Variants in EXOC3 observed in about 807,000 individuals in gnomAD.
The protein encoded by EXOC3 is SEC6-like 1.
EXOC3 carries 21 observed loss-of-function variants against 73.7 expected under a neutral mutation model. The observed-to-expected ratio is 0.29, with a 90% CI of 0.20 to 0.41. EXOC3 has a LOEUF of 0.41. EXOC3 is among the 10% of genes least tolerant of loss of function. The probability of loss-of-function intolerance (pLI) is 1.00; values close to 1 mark genes in which losing one functional copy is unlikely to be tolerated. For synonymous variants in EXOC3, 410 were observed against 389.1 expected (o/e 1.05, Z -0.63); for missense variants, 842 against 985.1 (o/e 0.85, Z 1.95).
Position 466,927 on chromosome 5 carries a change from C to T in EXOC3, c.*29C>T, listed in dbSNP as rs763378969. The T allele has an allele frequency of 2.6e-6, 4 of 1,565,812 alleles. No homozygotes were observed. Among genetic ancestry groups the T allele is most frequent in the Non-Finnish European group, 1.7e-6 (2 of 1,154,674 alleles). ...CCGCCGGCCTGCCCTGCTCGCCCCTCCACAGCCTCGGTCCCTGCCTTTAGA... is the reference window on the plus strand; with the variant it reads ...CCGCCGGCCTGCCCTGCTCGCCCCTTCACAGCCTCGGTCCCTGCCTTTAGA... On this transcript the variant is annotated 3_prime_UTR_variant, in exon 13 of 13. Coordinates refer to ENST00000512944, the MANE Select transcript of EXOC3 (RefSeq NM_007277.5).
At position 462,400 on chromosome 5, in the gene EXOC3, C is replaced by T. The variant is rs979671757; in HGVS notation, c.1653+93C>T. The stretch of plus-strand genomic sequence containing the variant: ...GACACAGGCTGTGAACTGTACCGTG[C>T]GGATGCCGTCTGGGGAGCCGGGCTG... On this transcript the variant is annotated intron_variant, in intron 9 of 12. Transcript: ENST00000512944. 1.1e-5 allele frequency: 16 copies of T among 1,422,340 alleles called. No individual in the cohort carries two copies. The African/African-American group carries it at 1.7e-4, about 15-fold the overall frequency. The allele number at this position is 1,422,340 out of a possible 1,614,324, so 88.1% of individuals were successfully genotyped here.
At position 446,318 on chromosome 5, in the gene EXOC3, G is replaced by A. The variant is rs762076288; in HGVS notation, c.113G>A (p.Arg38Gln). 2.5e-6 allele frequency: 4 copies of A among 1,612,584 alleles called. No homozygotes were observed. The highest frequency in any genetic ancestry group is 1.7e-5 in the Admixed American group (1 of 59,890). Residue 38 changes from arginine to glutamine, a missense_variant, in exon 2 of 13, where the codon CGG (arginine) becomes CAG (glutamine). Physicochemically the swap from Arg to Gln is conservative, Grantham distance 43 (BLOSUM62 1). Transcript: ENST00000512944. ...GAGCAGTATCGCAGGAGAGAAGCGC[G>A]GAAGAAGGCCTCCGTGGAGGCCAGA... ...KVEQYRRREA[R>Q]KKASVEARLK...
chr5:461,136 T>A (rs1054155792), intron 7 of EXOC3, among the ~76,000 whole-genome samples: 4 of 150,836 alleles, frequency 2.7e-5, no homozygotes, highest in Non-Finnish European at 5.9e-5. Flanking sequence ...CCTAACACTA[T>A]GAGTTTCTAG....
rs572868372 is a variant in EXOC3, at chr5:457,849, A to G, written c.1165-51A>G. ...TGACCAGGTAATTGGCATGACCCTC[A>G]GGCACCTGCTCTTCTCTCTTCTCTT... On this transcript the variant is annotated intron_variant, in intron 5 of 12. Coordinates refer to ENST00000512944, the MANE Select transcript of EXOC3 (RefSeq NM_007277.5). The G allele has an allele frequency of 1.6e-4, 254 of 1,570,110 alleles. 1 individual carries two copies. The African/African-American group carries it at 3.2e-3, about 20-fold the overall frequency.
intron 7 of EXOC3, among the ~76,000 whole-genome samples, chr5:460,649 GGTCTTAGCCAAGTCCCCACTGGCCAA>G (rs532526050): frequency 0.022 from 3,412 of 152,264 alleles, 112 homozygotes; most frequent in African/African-American, 0.073. Context: ...TATCCATAGA[GGTCTTAGCCAAGTCCCCACTGGCCAA>G]GTCTTAGCCA....
rs543578098 is a variant in EXOC3 at position 465,247 on chromosome 5, G to T, written c.1913G>T (p.Arg638Leu). 1.3e-6 allele frequency: 2 copies of T among 1,589,658 alleles called. No homozygotes were observed. The highest frequency in any genetic ancestry group is 1.3e-5 in the African/African-American group (1 of 74,592). ...ATGGTTAGGGAGGCAGAGCAGCTGC[G>T]CTTCCTGTTCCGGAAGCTGGCGTCC... ...EKMVREAEQL[R>L]FLFRKLASGF... is the part of the protein sequence containing the mutation. Residue 638 changes from arginine to leucine, a missense_variant, in exon 11 of 13, where the codon CGC becomes CTC. Coordinates refer to ENST00000512944, the MANE Select transcript of EXOC3 (RefSeq NM_007277.5).
chr5:465,254 G>C lies in EXOC3; in HGVS notation c.1920G>C (p.Leu640=). Residue 640 remains leucine (L), a synonymous_variant, in exon 11 of 13, where the codon CTG becomes CTC. Transcript: ENST00000512944. Reference sequence around the variant, plus strand: ...GGGAGGCAGAGCAGCTGCGCTTCCTGTTCCGGAAGCTGGCGTCCGTGAGTG... The same window carrying C: ...GGGAGGCAGAGCAGCTGCGCTTCCTCTTCCGGAAGCTGGCGTCCGTGAGTG... The part of the protein sequence containing the change: ...MVREAEQLRF[L]FRKLASGFGE... 1.3e-6 allele frequency: 2 copies of C among 1,587,962 alleles called. No homozygotes were observed. The highest frequency in any genetic ancestry group is 2.3e-5 in the East Asian group (1 of 43,482).
chr5:443,866 C>T (rs939066175), intron 1 of EXOC3, among the ~76,000 whole-genome samples: 2 of 151,920 alleles, frequency 1.3e-5, no homozygotes, highest in African/African-American at 4.8e-5. Flanking sequence ...ACCAGGTGTC[C>T]CTCGTCGGAG....
intron 1 of EXOC3, among the ~76,000 whole-genome samples, chr5:443,784 G>A (rs1168057376): frequency 1.4e-5 from 2 of 144,210 alleles, no homozygotes; most frequent in Non-Finnish European, 3.0e-5. Flanking sequence ...GTACTTCCTG[G>A]TGCAGGTGTC....
intron 7 of EXOC3, among the ~76,000 whole-genome samples, chr5:459,745 G>T (rs904295249): frequency 6.6e-6 from 1 of 152,098 alleles, no homozygotes; most frequent in Non-Finnish European, 1.5e-5. Context: ...GGCTCCTCCT[G>T]TTGCCTGTTC....
chr5:461,902 T>C, intron 7 of EXOC3, 58 bp from the exon 8 acceptor site: 1 of 1,278,764 alleles, frequency 7.8e-7, no homozygotes, highest in South Asian at 1.3e-5. Context: ...CAGCGTGGCA[T>C]TTGAAACAGC....
In EXOC3 at chr5:465,724, G is replaced by C; in HGVS notation, c.1945G>C (p.Gly649Arg). Residue 649 changes from glycine to arginine, a missense_variant, in exon 12 of 13, where the codon GGG becomes CGG. Coordinates refer to ENST00000512944, the MANE Select transcript of EXOC3 (RefSeq NM_007277.5). ...CATTGCTGCTGCCTTCCAGGGTTTCGGGGAAGACGTGGACGGATACTGCGA... is the reference window on the plus strand; with the variant it reads ...CATTGCTGCTGCCTTCCAGGGTTTCCGGGAAGACGTGGACGGATACTGCGA... The part of the protein sequence containing the change: ...FLFRKLASGF[G>R]EDVDGYCDTI... 1.2e-6 allele frequency: 2 copies of C among 1,613,812 alleles called. No homozygotes were observed. Among genetic ancestry groups the C allele is most frequent in the African/African-American group, 1.3e-5 (1 of 75,060 alleles).
rs1738166329 is a variant in EXOC3 at position 466,814 on chromosome 5, C to T, written c.2154C>T (p.Gly718=). ...CCATCATGGAGACCCTGGAGCAGGGCCCAGCACAGGCCAGCCCCAGCTACG... is the reference window on the plus strand; with the variant it reads ...CCATCATGGAGACCCTGGAGCAGGGTCCAGCACAGGCCAGCCCCAGCTACG... ...KQTIMETLEQ[G]PAQASPSYVP... The change falls in exon 13 of 13, where the codon GGC becomes GGT. Residue 718 remains glycine (G), a synonymous_variant. Coordinates refer to ENST00000512944, the MANE Select transcript of EXOC3 (RefSeq NM_007277.5). 1.9e-5 allele frequency: 30 copies of T among 1,613,488 alleles called. No individual in the cohort carries two copies. Among genetic ancestry groups the T allele is most frequent in the Non-Finnish European group, 2.5e-5 (29 of 1,179,790 alleles).
chr5:457,594 CTG>C, intron 5 of EXOC3: 1 of 300,682 alleles, frequency 3.3e-6, no homozygotes, highest in South Asian at 4.0e-5. Context: ...GCCTCATTCT[CTG>C]TGCACCTGGG....
chr5:443,953 G>A (rs576872996), intron 1 of EXOC3, among the ~76,000 whole-genome samples: 57 of 151,612 alleles, frequency 3.8e-4, no homozygotes, highest in African/African-American at 1.4e-3. Context: ...CCAAGGTGCA[G>A]GTGTCCTCCA....
At chr5:447,363 T>A in intron 2 of EXOC3, 170 bp from the exon 3 acceptor site, 1 of 584,746 alleles carries the variant, frequency 1.7e-6, no homozygotes, top group Non-Finnish European at 3.0e-6. Flanking sequence ...AAAGGTACAC[T>A]GTGAATCAAT....
chr5:448,092 C>T (rs1737558218), intron 3 of EXOC3, among the ~76,000 whole-genome samples: 1 of 152,126 alleles, frequency 6.6e-6, no homozygotes, highest in South Asian at 2.1e-4. Flanking sequence ...ACGCCGTGGC[C>T]CATGCTTAAA....
chr5:447,862 G>C (rs141877936), intron 3 of EXOC3, 110 bp downstream of exon 3: 6 of 732,608 alleles, frequency 8.2e-6, no homozygotes, highest in African/African-American at 5.4e-5. Flanking sequence ...ACCTGTAGAC[G>C]GTAAGTGTGA....
intron 7 of EXOC3, among the ~76,000 whole-genome samples, chr5:461,103 T>C (rs765292212): frequency 1.3e-5 from 2 of 152,214 alleles, no homozygotes; most frequent in Non-Finnish European, 2.9e-5. Context: ...AAAGGGACAT[T>C]TTACCTGACA....
Sources: allele counts gnomAD v4.1 joint callset (sites outside exome capture counted in the v4.1 genomes callset), GRCh38; gene constraint gnomAD v4.1.1; transcripts MANE v1.5; gene names NCBI Gene and HGNC (gene_info 2026-07-23, HGNC 2026-07-21).